The following GLI3 variants were observed in gnomAD, a reference collection of about 807,000 sequenced individuals.
GLI3 encodes GLI family zinc finger 3.
A neutral mutation model predicts 100.8 loss-of-function variants in GLI3; 20 were observed. That is an observed-to-expected ratio of 0.20 (90% CI 0.14 to 0.29). The LOEUF is 0.29. Ranked by LOEUF, GLI3 falls within the 10% of genes least tolerant of loss-of-function variation. The pLI, the probability that GLI3 is intolerant of heterozygous loss-of-function variation, is 1.00. For missense variants in GLI3, 2,040 were observed against 2,128.5 expected, an observed-to-expected ratio of 0.96 and a Z score of 0.82; for synonymous variants, 938 against 860.5, an observed-to-expected ratio of 1.09 and a Z score of -1.58.
At chr7:42,221,351 C>G (rs772265129) in intron 2 of GLI3, among the ~76,000 whole-genome samples, 21 of 152,192 alleles carry the variant, frequency 1.4e-4, no homozygotes, top group South Asian at 4.1e-4. Flanking sequence ...GATTGACAAA[C>G]AGGACAGGCG....
intron 2 of GLI3, among the ~76,000 whole-genome samples, chr7:42,203,769 C>T (rs1788094583): frequency 6.6e-6 from 1 of 152,102 alleles, no homozygotes; most frequent in Non-Finnish European, 1.5e-5. Flanking sequence ...GAGGCCGAGA[C>T]AGGCAGATCA....
Position 41,967,741 on chromosome 7 carries a change from A to G in GLI3, c.2286T>C (p.Ala762=), listed in dbSNP as rs146150703. Residue 762 remains alanine (A), a synonymous_variant, in exon 14 of 15, where the codon GCT becomes GCC. Coordinates refer to ENST00000395925, the MANE Select transcript of GLI3 (RefSeq NM_000168.6). ...STISTATTAL[A]LQARRNPAGT... is the part of the protein sequence containing the mutation. ...CTGCCGGGTTTCTCCTGGCTTGCAA[A>G]GCAAGGGCTGTGGTTGCAGTGGAAA... 24 of 1,614,046 alleles carry G rather than the reference A, an allele frequency of 1.5e-5. No individual in the cohort carries two copies. In the African/African-American group the frequency reaches 3.2e-4, roughly 22 times the overall value.
At chr7:42,230,682 G>A (rs1166055980) in intron 1 of GLI3, among the ~76,000 whole-genome samples, 5 of 152,202 alleles carry the variant, frequency 3.3e-5, no homozygotes, top group Admixed American at 1.3e-4. Context: ...AAACATTTGA[G>A]GGGAGTATGA....
intron 12 of GLI3, among the ~76,000 whole-genome samples, chr7:41,976,208 T>C (rs1039670942): frequency 2.0e-5 from 3 of 152,200 alleles, no homozygotes; most frequent in Admixed American, 6.5e-5. Context: ...ATAGATTATA[T>C]TCCAGCTACT....
At chr7:42,135,684 G>A (rs573433585) in intron 3 of GLI3, among the ~76,000 whole-genome samples, 1 of 152,224 alleles carries the variant, frequency 6.6e-6, no homozygotes, top group African/African-American at 2.4e-5. Context: ...TAGCCTGCAC[G>A]GGCCCTGCTA....
chr7:42,009,130 C>G (rs1286003580), intron 10 of GLI3, among the ~76,000 whole-genome samples: 1 of 152,204 alleles, frequency 6.6e-6, no homozygotes, highest in Non-Finnish European at 1.5e-5. Context: ...CATCTCCTAA[C>G]TGCTGTTTAA....
chr7:41,993,143 C>G (rs1002529353), intron 10 of GLI3, among the ~76,000 whole-genome samples: 19 of 152,026 alleles, frequency 1.2e-4, no homozygotes, highest in African/African-American at 4.6e-4. Flanking sequence ...ACAAAGTGTC[C>G]GGCAAGAAAA....
chr7:42,009,809 T>C (rs1788562577), intron 10 of GLI3, among the ~76,000 whole-genome samples: 1 of 152,194 alleles, frequency 6.6e-6, no homozygotes, highest in African/African-American at 2.4e-5. Flanking sequence ...CTGCTTGCTT[T>C]CACTGCCATT....
At chr7:41,993,320 G>C (rs1051811684) in intron 10 of GLI3, among the ~76,000 whole-genome samples, 19 of 152,120 alleles carry the variant, frequency 1.2e-4, no homozygotes, top group African/African-American at 4.3e-4. Flanking sequence ...GTCTAGGATG[G>C]GGTCACTGAG....
chr7:42,261,292 A>G (rs1039761311), intron 1 of GLI3, among the ~76,000 whole-genome samples: 2 of 152,112 alleles, frequency 1.3e-5, no homozygotes, highest in Non-Finnish European at 2.9e-5. Context: ...AGATCTCATG[A>G]GAACTCACTA....
intron 3 of GLI3, among the ~76,000 whole-genome samples, chr7:42,134,392 T>C (rs1017769434): frequency 1.3e-5 from 2 of 152,136 alleles, no homozygotes; most frequent in Non-Finnish European, 2.9e-5. Flanking sequence ...CCTGTTACTA[T>C]AAACCCATGA....
intron 12 of GLI3, among the ~76,000 whole-genome samples, chr7:41,975,146 CA>C (rs1171613610): frequency 2.6e-5 from 4 of 152,196 alleles, no homozygotes; most frequent in Non-Finnish European, 5.9e-5. Flanking sequence ...GAAGTCCTGT[CA>C]GAGCTACGGT....
chr7:42,036,633 T>A (rs1358013458), intron 7 of GLI3, among the ~76,000 whole-genome samples: 2 of 152,226 alleles, frequency 1.3e-5, no homozygotes, highest in African/African-American at 4.8e-5. Context: ...ATGAGTATCT[T>A]TAAACATTTA....
chr7:42,075,441 C>G (rs1784860736), intron 4 of GLI3, among the ~76,000 whole-genome samples: 1 of 149,396 alleles, frequency 6.7e-6, no homozygotes, highest in Non-Finnish European at 1.5e-5. Flanking sequence ...CATAAAACCT[C>G]TGTATAATGG....
chr7:42,106,143 T>C (rs1481478984), intron 3 of GLI3, among the ~76,000 whole-genome samples: 1 of 152,192 alleles, frequency 6.6e-6, no homozygotes, highest in Non-Finnish European at 1.5e-5. Context: ...AGTTCCAGCA[T>C]GTTCCGTAAT....
chr7:42,191,224 CAAAT>C (rs1787819908), intron 2 of GLI3, among the ~76,000 whole-genome samples: 1 of 152,036 alleles, frequency 6.6e-6, no homozygotes, highest in African/African-American at 2.4e-5. Flanking sequence ...AACGATAAGA[CAAAT>C]AAAACATTTA....
At chr7:42,196,219 A>G (rs1787925236) in intron 2 of GLI3, among the ~76,000 whole-genome samples, 1 of 152,204 alleles carries the variant, frequency 6.6e-6, no homozygotes, top group Non-Finnish European at 1.5e-5. Context: ...AAAGGGACCT[A>G]CCTCTCAATG....
At chr7:42,122,786 C>T (rs960752827) in intron 3 of GLI3, among the ~76,000 whole-genome samples, 5 of 152,232 alleles carry the variant, frequency 3.3e-5, no homozygotes, top group African/African-American at 1.2e-4. Flanking sequence ...TAGTAATCCC[C>T]TCTGTACCAA....
At chr7:42,180,936 G>A (rs1787578574) in intron 2 of GLI3, among the ~76,000 whole-genome samples, 1 of 152,254 alleles carries the variant, frequency 6.6e-6, no homozygotes, top group Non-Finnish European at 1.5e-5. Flanking sequence ...CGTTCCAATC[G>A]TTCACCCAGT....
Sources: allele counts gnomAD v4.1 joint callset (sites outside exome capture counted in the v4.1 genomes callset), GRCh38; gene constraint gnomAD v4.1.1; transcripts MANE v1.5; gene names NCBI Gene and HGNC (gene_info 2026-07-23, HGNC 2026-07-21).